Variants in CUBN observed in about 807,000 individuals in gnomAD.
CUBN encodes the protein cubilin, also known as 460 kDa receptor.
CUBN carries 282 observed loss-of-function variants against 405.3 expected under a neutral mutation model. That is an observed-to-expected ratio of 0.70 (90% CI 0.63 to 0.77). The LOEUF is 0.77. Ranked by LOEUF, CUBN falls within the 30% of genes least tolerant of loss-of-function variation. The pLI, the probability that CUBN is intolerant of heterozygous loss-of-function variation, is 0.00. For synonymous variants in CUBN, 1,684 were observed against 1,617.0 expected, an observed-to-expected ratio of 1.04 and a Z score of -0.99; for missense variants, 4,514 against 4,475.2, an observed-to-expected ratio of 1.01 and a Z score of -0.25.
intron 26 of CUBN, 139 bp from the exon 27 acceptor site, chr10:17,041,359 T>G: frequency 1.5e-6 from 1 of 688,742 alleles, no homozygotes; most frequent in South Asian, 1.6e-5. Flanking sequence ...TATATGTGTG[T>G]GTATATATAC....
intron 4 of CUBN, 35 bp from the exon 5 acceptor site, chr10:17,123,724 T>G (rs1837099422): frequency 6.8e-7 from 1 of 1,475,866 alleles, no homozygotes; most frequent in Non-Finnish European, 9.5e-7. Flanking sequence ...TGAGATGACT[T>G]GCAGTCAGCA....
intron 54 of CUBN, among the ~76,000 whole-genome samples, chr10:16,891,579 T>C (rs117104514): frequency 0.025 from 3,808 of 151,682 alleles, 66 homozygotes; most frequent in Non-Finnish European, 0.04. Context: ...ATTCGGAAAA[T>C]AGGAGTCAGA....
chr10:16,990,208 T>C, intron 29 of CUBN, 126 bp downstream of exon 29: 1 of 938,034 alleles, frequency 1.1e-6, no homozygotes, highest in Non-Finnish European at 1.7e-6. Flanking sequence ...GAAGGGCTGA[T>C]GCTCATTAAA....
At chr10:16,832,400 G>C (rs1839033713) in intron 64 of CUBN, among the ~76,000 whole-genome samples, 1 of 152,124 alleles carries the variant, frequency 6.6e-6, no homozygotes, top group Non-Finnish European at 1.5e-5. Flanking sequence ...GTGTTGATCA[G>C]GTGAGATTCC....
At chr10:17,106,144 G>C (rs984655039) in intron 10 of CUBN, among the ~76,000 whole-genome samples, 4 of 151,898 alleles carry the variant, frequency 2.6e-5, no homozygotes, top group Non-Finnish European at 5.9e-5. Context: ...AATTAGCCAG[G>C]CATGGTGGCA....
At chr10:17,032,933 C>A (rs1456996301) in intron 27 of CUBN, among the ~76,000 whole-genome samples, 1 of 152,106 alleles carries the variant, frequency 6.6e-6, no homozygotes, top group Admixed American at 6.6e-5. Context: ...TCAATTGTAC[C>A]TCCTAAGTGC....
chr10:16,827,867 T>C (rs1361372955), intron 66 of CUBN, among the ~76,000 whole-genome samples: 1 of 152,216 alleles, frequency 6.6e-6, no homozygotes, highest in Non-Finnish European at 1.5e-5. Context: ...TCCCAAAGTG[T>C]TGGGATTGCA....
In CUBN at chr10:17,012,688, T is replaced by C. The variant is rs980357001; in HGVS notation, c.4168+7145A>G. ...TATTAATAAAACCTCATTCCATCCATATTAACTTAGAATTGGTATAGATGG... is the reference window on the plus strand; with the variant it reads ...TATTAATAAAACCTCATTCCATCCACATTAACTTAGAATTGGTATAGATGG... On this transcript the variant is annotated intron_variant, in intron 28 of 66. Coordinates refer to ENST00000377833, the MANE Select transcript of CUBN (RefSeq NM_001081.4). Among the ~76,000 whole-genome samples the C allele has an allele frequency of 8.5e-5, 13 of 152,246 alleles. 1 individual carries two copies. The highest frequency in any genetic ancestry group is 7.8e-4 in the Admixed American group (12 of 15,292).
chr10:16,847,249 G>A (rs945170825), intron 60 of CUBN, among the ~76,000 whole-genome samples: 4 of 152,232 alleles, frequency 2.6e-5, no homozygotes, highest in Middle Eastern at 3.4e-3. Context: ...TCAGGACATC[G>A]AGACCATCTT....
chr10:16,932,152 A>G (rs1182147924), intron 40 of CUBN, among the ~76,000 whole-genome samples: 1 of 152,176 alleles, frequency 6.6e-6, no homozygotes, highest in Non-Finnish European at 1.5e-5. Flanking sequence ...GTCTCTACTT[A>G]GTGTTCTGCC....
At chr10:17,040,746 C>T (rs1171364996) in intron 27 of CUBN, among the ~76,000 whole-genome samples, 1 of 151,562 alleles carries the variant, frequency 6.6e-6, no homozygotes, top group Non-Finnish European at 1.5e-5. Context: ...ATAAAAACAA[C>T]CAACAAAAAA....
intron 54 of CUBN, among the ~76,000 whole-genome samples, chr10:16,892,006 A>T (rs185596310): frequency 1.3e-5 from 2 of 152,198 alleles, no homozygotes; most frequent in Non-Finnish European, 2.9e-5. Flanking sequence ...GAATGATACC[A>T]AATTACTCAT....
intron 31 of CUBN, among the ~76,000 whole-genome samples, chr10:16,974,217 T>C (rs11254306): frequency 0.37 from 56,509 of 152,016 alleles, 10,892 homozygotes; most frequent in South Asian, 0.44. Context: ...GTTAACTTTC[T>C]TCCAAAGAAC....
chr10:16,912,209 C>A (rs1210755474), intron 48 of CUBN, among the ~76,000 whole-genome samples: 1 of 152,130 alleles, frequency 6.6e-6, no homozygotes, highest in Non-Finnish European at 1.5e-5. Flanking sequence ...TACGGCAATA[C>A]AAAGTGGTCA....
chr10:16,942,863 A>G (rs77692617), intron 36 of CUBN, among the ~76,000 whole-genome samples: 101 of 129,830 alleles, frequency 7.8e-4, no homozygotes, highest in African/African-American at 2.2e-3. Context: ...GGGAAGGGAA[A>G]GGAAGGGAAG....
At chr10:17,045,854 G>A in intron 24 of CUBN, 80 bp downstream of exon 24, 5 of 1,418,398 alleles carry the variant, frequency 3.5e-6, no homozygotes, top group East Asian at 2.3e-5. Context: ...GGACAAGTGA[G>A]GGACAGAGCA....
At chr10:16,950,519 CT>C (rs1842898882) in intron 33 of CUBN, among the ~76,000 whole-genome samples, 1 of 152,072 alleles carries the variant, frequency 6.6e-6, no homozygotes, top group African/African-American at 2.4e-5. Context: ...ATAAATTTTA[CT>C]TCTGGTAATT....
chr10:17,049,558 T>G (rs1472966754), intron 22 of CUBN, among the ~76,000 whole-genome samples: 1 of 152,204 alleles, frequency 6.6e-6, no homozygotes, highest in African/African-American at 2.4e-5. Flanking sequence ...ATGTGATTAT[T>G]CTGGAACAAC....
intron 28 of CUBN, among the ~76,000 whole-genome samples, chr10:17,010,171 C>G (rs1019759166): frequency 1.3e-5 from 2 of 152,238 alleles, no homozygotes; most frequent in Non-Finnish European, 2.9e-5. Flanking sequence ...ATGCCCCAGC[C>G]CTTGAAATTC....
Sources: allele counts gnomAD v4.1 joint callset (sites outside exome capture counted in the v4.1 genomes callset), GRCh38; gene constraint gnomAD v4.1.1; transcripts MANE v1.5; gene names NCBI Gene and HGNC (gene_info 2026-07-23, HGNC 2026-07-21).